PCSK5: variants seen among roughly 807,000 people sequenced by gnomAD.
PCSK5 encodes proprotein convertase subtilisin/kexin type 5, also known as prohormone convertase 5.
In PCSK5, 129 loss-of-function variants were observed where a neutral mutation model predicts 233.2. The observed-to-expected ratio is 0.55, with a 90% CI of 0.48 to 0.64. The LOEUF is 0.64. PCSK5 is among the 30% of genes least tolerant of loss of function. The probability of loss-of-function intolerance (pLI) is 0.00; values close to 1 mark genes in which losing one functional copy is unlikely to be tolerated. For synonymous variants in PCSK5, 825 were observed against 879.2 expected, an observed-to-expected ratio of 0.94 and a Z score of 1.09; for missense variants, 2,076 against 2,430.1, an observed-to-expected ratio of 0.85 and a Z score of 3.06.
rs761908850 is a variant in PCSK5 at position 76,310,725 on chromosome 9, G to T, written c.3758G>T (p.Gly1253Val). The T allele has an allele frequency of 4.3e-6, 7 of 1,612,080 alleles. No individual in the cohort carries two copies. The highest frequency in any genetic ancestry group is 1.7e-4 in the Middle Eastern group (1 of 6,058). ...PQGTWPSVRS[G>V]SCENCTEACA... ...GGCACATGGCCTTCCGTAAGGAGTG[G>T]GAGCTGCGAGAACTGTACGGAGGCC... The change falls in exon 30 of 38, where the codon GGG becomes GTG. Residue 1253 changes from glycine to valine, a missense_variant. Gly to Val is a moderately radical substitution (Grantham distance 109, BLOSUM62 -3). Transcript: ENST00000674117.
chr9:76,065,797 T>A (rs1830265055), intron 5 of PCSK5, among the ~76,000 whole-genome samples: 1 of 152,180 alleles, frequency 6.6e-6, no homozygotes, highest in South Asian at 2.1e-4. Context: ...AGGTCTTACA[T>A]TTTAATTTGA....
chr9:75,998,292 A>G (rs1280230587), intron 3 of PCSK5, among the ~76,000 whole-genome samples: 2 of 151,980 alleles, frequency 1.3e-5, no homozygotes, highest in African/African-American at 4.8e-5. Context: ...CTTTTCTTTC[A>G]TTACTGTGCT....
At chr9:75,950,967 C>T (rs141017824) in intron 2 of PCSK5, among the ~76,000 whole-genome samples, 493 of 152,258 alleles carry the variant, frequency 3.2e-3, no homozygotes, top group African/African-American at 0.011. Flanking sequence ...TGATTATAGG[C>T]AAAGCAACCA....
intron 1 of PCSK5, among the ~76,000 whole-genome samples, chr9:75,929,922 G>T (rs149233394): frequency 0.021 from 3,146 of 151,222 alleles, 117 homozygotes; most frequent in African/African-American, 0.071. Flanking sequence ...GAGTACAGTG[G>T]CACGATCTTG....
chr9:76,339,821 G>C (rs1353669127), intron 35 of PCSK5, among the ~76,000 whole-genome samples: 1 of 152,128 alleles, frequency 6.6e-6, no homozygotes, highest in Non-Finnish European at 1.5e-5. Flanking sequence ...GGGATTACAT[G>C]TGTGAGCCAC....
intron 7 of PCSK5, among the ~76,000 whole-genome samples, chr9:76,086,411 C>T (rs1831065225): frequency 6.6e-6 from 1 of 152,128 alleles, no homozygotes; most frequent in Non-Finnish European, 1.5e-5. Flanking sequence ...TGTGCAGGGG[C>T]TCAAAGCATG....
chr9:76,199,751 A>T (rs1398932357), intron 20 of PCSK5, among the ~76,000 whole-genome samples: 1 of 152,136 alleles, frequency 6.6e-6, no homozygotes, highest in African/African-American at 2.4e-5. Context: ...GGTTTTAAAT[A>T]CCATCTATAT....
At chr9:76,201,750 G>A (rs1361111931) in intron 20 of PCSK5, among the ~76,000 whole-genome samples, 4 of 152,320 alleles carry the variant, frequency 2.6e-5, no homozygotes, top group Admixed American at 1.3e-4. Context: ...TAAGGTAAAT[G>A]AGGCAGTGGC....
At chr9:76,024,521 T>C (rs2131488766) in intron 4 of PCSK5, among the ~76,000 whole-genome samples, 1 of 152,318 alleles carries the variant, frequency 6.6e-6, no homozygotes, top group South Asian at 2.1e-4. Context: ...AAGTGAGTTA[T>C]CCATGGTCAG....
intron 10 of PCSK5, among the ~76,000 whole-genome samples, chr9:76,156,565 A>G (rs1822595711): frequency 6.6e-6 from 1 of 152,204 alleles, no homozygotes; most frequent in Non-Finnish European, 1.5e-5. Context: ...AAACCTATTA[A>G]TTATTTTATC....
intron 33 of PCSK5, among the ~76,000 whole-genome samples, chr9:76,330,817 T>C (rs1472428498): frequency 6.6e-6 from 1 of 152,004 alleles, no homozygotes; most frequent in African/African-American, 2.4e-5. Context: ...GGTCCACAAA[T>C]CTCTGTGACT....
chr9:75,973,592 G>A (rs115192557), intron 2 of PCSK5, among the ~76,000 whole-genome samples: 108 of 152,272 alleles, frequency 7.1e-4, no homozygotes, highest in African/African-American at 2.5e-3. Flanking sequence ...CTGGATCTCC[G>A]GGAAATCTAA....
chr9:76,269,045 A>C (rs2131370536), intron 24 of PCSK5, among the ~76,000 whole-genome samples: 1 of 152,302 alleles, frequency 6.6e-6, no homozygotes, highest in Middle Eastern at 3.4e-3. Context: ...GGCAGGTACC[A>C]TGGTCAAGTG....
At chr9:76,284,964 C>T (rs926618962) in intron 24 of PCSK5, among the ~76,000 whole-genome samples, 1 of 152,126 alleles carries the variant, frequency 6.6e-6, no homozygotes, top group Non-Finnish European at 1.5e-5. Flanking sequence ...CATATATTAG[C>T]ATGCAAGTGG....
At chr9:76,028,424 T>G (rs1300182690) in intron 5 of PCSK5, among the ~76,000 whole-genome samples, 1 of 152,004 alleles carries the variant, frequency 6.6e-6, no homozygotes, top group African/African-American at 2.4e-5. Context: ...TAAAGATAAT[T>G]TGGTGGGTAG....
At chr9:76,345,065 T>C (rs899880786) in intron 35 of PCSK5, among the ~76,000 whole-genome samples, 4 of 152,184 alleles carry the variant, frequency 2.6e-5, no homozygotes, top group Non-Finnish European at 4.4e-5. Context: ...GGAGTATAAA[T>C]AACTGTCACC....
intron 2 of PCSK5, among the ~76,000 whole-genome samples, chr9:75,959,964 A>G (rs951017670): frequency 6.6e-6 from 1 of 152,156 alleles, no homozygotes; most frequent in Non-Finnish European, 1.5e-5. Flanking sequence ...TGTAATTCCT[A>G]TTCTATGTAG....
chr9:75,915,146 C>T (rs1822929200), intron 1 of PCSK5, among the ~76,000 whole-genome samples: 1 of 152,158 alleles, frequency 6.6e-6, no homozygotes, highest in African/African-American at 2.4e-5. Context: ...ATGACTTTTC[C>T]AAGTAGGAAT....
At chr9:76,074,646 A>G (rs1303740116) in intron 7 of PCSK5, among the ~76,000 whole-genome samples, 3 of 152,200 alleles carry the variant, frequency 2.0e-5, no homozygotes, top group Admixed American at 6.5e-5. Flanking sequence ...CCTTATGTAG[A>G]TCAAATTACC....
Sources: allele counts gnomAD v4.1 joint callset (sites outside exome capture counted in the v4.1 genomes callset), GRCh38; gene constraint gnomAD v4.1.1; transcripts MANE v1.5; gene names NCBI Gene and HGNC (gene_info 2026-07-23, HGNC 2026-07-21).